TMEM163: variants seen among roughly 807,000 people sequenced by gnomAD.
TMEM163 encodes transmembrane protein 163.
A neutral mutation model predicts 29.3 loss-of-function variants in TMEM163; 17 were observed. The observed-to-expected ratio is 0.58, with a 90% confidence interval of 0.40 to 0.87. The LOEUF is 0.87. Among genes scored for constraint, TMEM163 ranks in the 40% least tolerant of loss-of-function variants. The probability of loss-of-function intolerance (pLI) is 0.00; values close to 1 mark genes in which losing one functional copy is unlikely to be tolerated. For synonymous variants in TMEM163, 157 were observed against 160.6 expected, an observed-to-expected ratio of 0.98 and a Z score of 0.17; for missense variants, 303 against 381.5, an observed-to-expected ratio of 0.79 and a Z score of 1.71.
At chr2:134,640,941 C>T in intron 2 of TMEM163, among the ~76,000 whole-genome samples, 1 of 152,158 alleles carries the variant, frequency 6.6e-6, no homozygotes, top group East Asian at 1.9e-4. Context: ...ATAAAGCTGT[C>T]CATGTTTAGC....
chr2:134,691,597 T>C (rs1256027417), intron 2 of TMEM163, among the ~76,000 whole-genome samples: 1 of 152,204 alleles, frequency 6.6e-6, no homozygotes, highest in East Asian at 1.9e-4. Flanking sequence ...TACACCCTTG[T>C]CAGACAACCC....
chr2:134,518,530 C>T (rs970936269), intron 4 of TMEM163, among the ~76,000 whole-genome samples: 1 of 152,174 alleles, frequency 6.6e-6, no homozygotes, highest in Admixed American at 6.5e-5. Flanking sequence ...AAGGCCATCC[C>T]GGAGTCAAGA....
chr2:134,538,425 A>G (rs186182239), intron 4 of TMEM163, among the ~76,000 whole-genome samples: 7 of 152,310 alleles, frequency 4.6e-5, no homozygotes, highest in African/African-American at 1.7e-4. Flanking sequence ...CAGCCCAAAC[A>G]ATGACACATA....
chr2:134,514,024 C>CCAAG (rs1680002799), intron 4 of TMEM163, among the ~76,000 whole-genome samples: 1 of 152,196 alleles, frequency 6.6e-6, no homozygotes, highest in Non-Finnish European at 1.5e-5. Context: ...AGCTCCAAGG[C>CCAAG]CTTGGAAGCA....
chr2:134,678,503 C>T (rs1684166470), intron 2 of TMEM163, among the ~76,000 whole-genome samples: 1 of 152,206 alleles, frequency 6.6e-6, no homozygotes, highest in Non-Finnish European at 1.5e-5. Flanking sequence ...TCCCAGTTTA[C>T]ATATAAATCC....
At chr2:134,462,699 T>C (rs1686573429) in intron 6 of TMEM163, among the ~76,000 whole-genome samples, 1 of 152,238 alleles carries the variant, frequency 6.6e-6, no homozygotes, top group South Asian at 2.1e-4. Flanking sequence ...CTTATTGTTG[T>C]TCTCCTCTGT....
chr2:134,610,472 G>A (rs1682479894), intron 2 of TMEM163, among the ~76,000 whole-genome samples: 1 of 152,180 alleles, frequency 6.6e-6, no homozygotes, highest in African/African-American at 2.4e-5. Context: ...CTGGGGGGAG[G>A]TCTGGGGACA....
At chr2:134,497,384 A>C (rs1165435511) in intron 5 of TMEM163, among the ~76,000 whole-genome samples, 1 of 152,166 alleles carries the variant, frequency 6.6e-6, no homozygotes, top group East Asian at 1.9e-4. Flanking sequence ...GTGGCTGTTT[A>C]TTATTCTAAT....
At chr2:134,496,462 C>T (rs17787422) in intron 5 of TMEM163, among the ~76,000 whole-genome samples, 3 of 152,088 alleles carry the variant, frequency 2.0e-5, no homozygotes, top group Admixed American at 2.0e-4. Flanking sequence ...AACCTCTACA[C>T]GGCCTGCAGA....
chr2:134,668,754 C>G (rs997956150), intron 2 of TMEM163, among the ~76,000 whole-genome samples: 3 of 151,968 alleles, frequency 2.0e-5, no homozygotes, highest in African/African-American at 4.8e-5. Flanking sequence ...AATGTCTGAT[C>G]CTCTAAGAAC....
At chr2:134,598,649 CA>C (rs1255171041) in intron 2 of TMEM163, among the ~76,000 whole-genome samples, 5 of 152,272 alleles carry the variant, frequency 3.3e-5, no homozygotes, top group African/African-American at 1.2e-4. Context: ...CGTGGTGGCT[CA>C]TGCCTGTAAT....
intron 4 of TMEM163, among the ~76,000 whole-genome samples, chr2:134,525,691 A>G (rs1416320976): frequency 6.6e-6 from 1 of 152,162 alleles, no homozygotes; most frequent in East Asian, 1.9e-4. Context: ...TTAGGGAAGA[A>G]CCCACTAAAA....
chr2:134,621,338 G>A (rs887187139), intron 2 of TMEM163, among the ~76,000 whole-genome samples: 1 of 152,162 alleles, frequency 6.6e-6, no homozygotes, highest in Non-Finnish European at 1.5e-5. Flanking sequence ...GTTAGCACAT[G>A]GTATGGAAAA....
At chr2:134,498,036 C>T (rs1679611908) in intron 5 of TMEM163, among the ~76,000 whole-genome samples, 3 of 152,200 alleles carry the variant, frequency 2.0e-5, no homozygotes, top group African/African-American at 2.4e-5. Flanking sequence ...CACAGCAGGG[C>T]TCTCCTCTAC....
intron 2 of TMEM163, among the ~76,000 whole-genome samples, chr2:134,598,035 A>AT (rs1682129893): frequency 6.6e-6 from 1 of 152,032 alleles, no homozygotes; most frequent in African/African-American, 2.4e-5. Context: ...CAGTCTATCA[A>AT]TTTTGTTGAT....
At chr2:134,588,092 C>A (rs918206708) in intron 2 of TMEM163, among the ~76,000 whole-genome samples, 1 of 152,198 alleles carries the variant, frequency 6.6e-6, no homozygotes, top group Non-Finnish European at 1.5e-5. Flanking sequence ...TGTGGTCCTA[C>A]AATTGGCATT....
intron 2 of TMEM163, among the ~76,000 whole-genome samples, chr2:134,598,554 C>T (rs139528560): frequency 1.6e-4 from 25 of 152,306 alleles, no homozygotes; most frequent in African/African-American, 5.5e-4. Context: ...CTCCGTGGCT[C>T]GTGCTTTTAG....
chr2:134,641,555 T>C (rs1032209380), intron 2 of TMEM163, among the ~76,000 whole-genome samples: 1 of 152,102 alleles, frequency 6.6e-6, no homozygotes, highest in Non-Finnish European at 1.5e-5. Flanking sequence ...AGAAAATATG[T>C]GCAATACATA....
chr2:134,675,203 G>A (rs1241874483), intron 2 of TMEM163, among the ~76,000 whole-genome samples: 2 of 152,154 alleles, frequency 1.3e-5, no homozygotes, highest in African/African-American at 4.8e-5. Flanking sequence ...AAAGTTTCCT[G>A]TTAAAATTTC....
Sources: gnomAD v4.1 joint callset for allele counts (sites outside exome capture counted in the v4.1 genomes callset) on GRCh38, gnomAD v4.1.1 for gene constraint, MANE v1.5 for transcripts, NCBI Gene and HGNC (gene_info 2026-07-23, HGNC 2026-07-21) for gene names.